Variants in DIP2A observed in about 807,000 individuals in gnomAD.
The protein encoded by DIP2A is disco-interacting protein 2 homolog A.
A neutral mutation model predicts 177.4 loss-of-function variants in DIP2A; 85 were observed. The ratio of observed to expected loss-of-function variants is 0.48; its 90% CI spans 0.40 to 0.57. The LOEUF is 0.57. DIP2A is among the 20% of genes least tolerant of loss of function. The pLI is 0.00. For synonymous variants in DIP2A, 886 were observed against 881.8 expected (o/e 1.00, Z -0.08); for missense variants, 1,791 against 2,100.2 (o/e 0.85, Z 2.88).
chr21:46,494,933 T>G (rs1013224974), intron 3 of DIP2A, among the ~76,000 whole-genome samples: 5 of 151,988 alleles, frequency 3.3e-5, no homozygotes, highest in Non-Finnish European at 7.4e-5. Flanking sequence ...TTTCTAAGGG[T>G]TTTTTTTAAG....
chr21:46,461,544 G>T (rs1215045482), intron 1 of DIP2A, among the ~76,000 whole-genome samples: 1 of 152,118 alleles, frequency 6.6e-6, no homozygotes, highest in African/African-American at 2.4e-5. Context: ...TTGAGTGCTT[G>T]CTAGGCATTG....
At chr21:46,460,819 G>C (rs906028585) in intron 1 of DIP2A, among the ~76,000 whole-genome samples, 2 of 151,694 alleles carry the variant, frequency 1.3e-5, no homozygotes, top group African/African-American at 4.8e-5. Context: ...TCAGCCTCCC[G>C]AGTAGCTGGG....
At chr21:46,459,315 C>T in intron 1 of DIP2A, 93 bp downstream of exon 1, 3 of 1,058,374 alleles carry the variant, frequency 2.8e-6, no homozygotes, top group South Asian at 3.6e-5. Flanking sequence ...CGGCCCCTCA[C>T]TCCAGGACCC....
intron 13 of DIP2A, 32 bp downstream of exon 13, chr21:46,534,719 C>A: frequency 6.4e-7 from 1 of 1,574,242 alleles, no homozygotes; most frequent in South Asian, 1.1e-5. Context: ...GCGGTGGCCC[C>A]TCCAGCCTCA....
Position 46,472,471 on chromosome 21 carries a change from A to G in DIP2A, c.92-12286A>G, listed in dbSNP as rs190475115. On this transcript the variant is annotated intron_variant, in intron 1 of 37. Coordinates refer to ENST00000417564, the MANE Select transcript of DIP2A (RefSeq NM_015151.4). ...ATGTAAACAGTGGCAATATCATGAA[A>G]TGTGTACAGAACCCAGTCAGCCCAA... 2.4e-4 allele frequency among the ~76,000 whole-genome samples: 36 copies of G among 152,334 alleles called. No homozygotes were observed. In the East Asian group the frequency reaches 6.2e-3, roughly 26 times the overall value.
chr21:46,545,329 G>T, intron 19 of DIP2A, 56 bp downstream of exon 19: 1 of 1,553,762 alleles, frequency 6.4e-7, no homozygotes, highest in African/African-American at 1.4e-5. Flanking sequence ...GCACTCATGG[G>T]GTCCCAGGTG....
intron 35 of DIP2A, among the ~76,000 whole-genome samples, chr21:46,565,487 T>C (rs917277661): frequency 1.1e-4 from 17 of 152,222 alleles, no homozygotes; most frequent in Non-Finnish European, 1.5e-4. Context: ...CAGATGACAT[T>C]CTTGGGTCAA....
intron 21 of DIP2A, 191 bp downstream of exon 21, chr21:46,547,233 C>G: frequency 1.5e-6 from 2 of 1,364,266 alleles, no homozygotes; most frequent in Admixed American, 3.2e-5. Context: ...CCTTACTGTC[C>G]AAAGAGTTCC....
chr21:46,530,531 G>A (rs1417892599), intron 9 of DIP2A, among the ~76,000 whole-genome samples: 1 of 152,168 alleles, frequency 6.6e-6, no homozygotes, highest in Non-Finnish European at 1.5e-5. Context: ...CAGAGATGAA[G>A]ATGTTTCATA....
At position 46,503,637 on chromosome 21, in the gene DIP2A, CTTTCTTTCTTTCTT is replaced by C. The variant is rs1173911775; in HGVS notation, c.656-694_656-681del. On this transcript the variant is annotated intron_variant, in intron 5 of 37. Transcript: ENST00000417564. ...CTTTCTTTCTTTCTTTCTTTCTTTCCTTTCTTTCTTTCTTTTTCTTTCTTTCTTTTTCTTTCTTT... is the reference window on the plus strand; with the variant it reads ...CTTTCTTTCTTTCTTTCTTTCTTTCCTTTCTTTCTTTCTTTTTCTTTCTTT... Among the ~76,000 whole-genome samples, 197 of 79,268 alleles carry C rather than the reference CTTTCTTTCTTTCTT, an allele frequency of 2.5e-3. 3 individuals carry two copies. The highest frequency in any genetic ancestry group is 9.5e-3 in the African/African-American group (163 of 17,246). 52.0% of individuals were successfully genotyped at this position (79,268 alleles called of 152,430 possible). A position where few individuals can be genotyped will look rare whatever the true frequency, so the allele number is the denominator to read the frequency against.
rs182795986 is a variant in DIP2A at position 46,547,235 on chromosome 21, A to G, written c.2522+193A>G. On this transcript the variant is annotated intron_variant, in intron 21 of 37. Coordinates refer to ENST00000417564, the MANE Select transcript of DIP2A (RefSeq NM_015151.4). Reference sequence around the variant, plus strand: ...CCAGAGTTAATATCCTTACTGTCCAAAGAGTTCCTTGGATTCCTTAAGAAA... The same window carrying G: ...CCAGAGTTAATATCCTTACTGTCCAGAGAGTTCCTTGGATTCCTTAAGAAA... 13 of 1,362,280 alleles carry G rather than the reference A, an allele frequency of 9.5e-6. No homozygotes were observed. The East Asian group carries it at 2.2e-4, about 23-fold the overall frequency. 84.4% of individuals were successfully genotyped at this position (1,362,280 alleles called of 1,614,324 possible).
chr21:46,544,896 A>G (rs542109910), intron 18 of DIP2A, among the ~76,000 whole-genome samples: 19 of 152,212 alleles, frequency 1.2e-4, no homozygotes, highest in Non-Finnish European at 1.9e-4. Flanking sequence ...GGCTTATTAC[A>G]TGAAGGATGT....
intron 36 of DIP2A, among the ~76,000 whole-genome samples, chr21:46,566,335 G>T (rs150097903): frequency 1.2e-4 from 18 of 152,248 alleles, no homozygotes; most frequent in South Asian, 1.0e-3. Context: ...TTAATAATAC[G>T]CTCACACTTG....
In DIP2A at chr21:46,539,987, C is replaced by T. The variant is rs573725647; in HGVS notation, c.2032C>T (p.Arg678Cys). 6.8e-6 allele frequency: 11 copies of T among 1,613,138 alleles called. No individual in the cohort carries two copies. Among genetic ancestry groups the T allele is most frequent in the Admixed American group, 5.0e-5 (3 of 60,022 alleles). The stretch of plus-strand genomic sequence containing the variant: ...TCCTGAGGCGCTGACTGTCGCCATC[C>T]GCAGGTAACCTTATTCCTTGCTATG... ...SSPEALTVAI[R>C]RPPDLGGPPP... Residue 678 changes from arginine to cysteine, a missense_variant, in exon 17 of 38, where the codon CGC becomes TGC. Coordinates refer to ENST00000417564, the MANE Select transcript of DIP2A (RefSeq NM_015151.4).
intron 8 of DIP2A, among the ~76,000 whole-genome samples, chr21:46,517,196 G>T (rs542319597): frequency 1.3e-5 from 2 of 150,828 alleles, no homozygotes; most frequent in Admixed American, 6.6e-5. Flanking sequence ...TGAGTAGCTG[G>T]GACTACAGGT....
chr21:46,464,580 A>C (rs1268081073), intron 1 of DIP2A, among the ~76,000 whole-genome samples: 1 of 152,184 alleles, frequency 6.6e-6, no homozygotes, highest in East Asian at 1.9e-4. Context: ...TTAAGGTACT[A>C]GCATCTAGCA....
intron 3 of DIP2A, among the ~76,000 whole-genome samples, chr21:46,492,977 C>G (rs2057107300): frequency 6.6e-6 from 1 of 151,936 alleles, no homozygotes; most frequent in South Asian, 2.1e-4. Flanking sequence ...AGCTTGCTGG[C>G]CCCCGCCCTG....
chr21:46,554,184 A>C lies in DIP2A; in HGVS notation c.3046A>C (p.Thr1016Pro). ...GCTTTCCTAGGGCACCGTCACAAGCACTGCAACCTGTGTCCAGCTGCACAA... is the reference window on the plus strand; with the variant it reads ...GCTTTCCTAGGGCACCGTCACAAGCCCTGCAACCTGTGTCCAGCTGCACAA... ...LLNAKGTVTSTATCVQLHKRA... is the reference protein window; with the variant it reads ...LLNAKGTVTSPATCVQLHKRA... Residue 1016 changes from threonine (T) to proline (P), a missense_variant, in exon 26 of 38, where the codon ACT (threonine) becomes CCT (proline). By Grantham distance (38) the Thr-to-Pro change is conservative. Transcript: ENST00000417564. The C allele has an allele frequency of 1.9e-6, 3 of 1,613,730 alleles. No homozygotes were observed. Among genetic ancestry groups the C allele is most frequent in the Non-Finnish European group, 1.7e-6 (2 of 1,179,724 alleles).
At chr21:46,468,174 G>A (rs922398119) in intron 1 of DIP2A, among the ~76,000 whole-genome samples, 13 of 150,076 alleles carry the variant, frequency 8.7e-5, no homozygotes, top group African/African-American at 2.9e-4. Context: ...ACTGAGGCAG[G>A]AGAATCTCTT....
Sources: allele counts gnomAD v4.1 joint callset (sites outside exome capture counted in the v4.1 genomes callset), GRCh38; gene constraint gnomAD v4.1.1; transcripts MANE v1.5; gene names NCBI Gene and HGNC (gene_info 2026-07-23, HGNC 2026-07-21).